SMAD9: variants seen among roughly 807,000 people sequenced by gnomAD.
The protein encoded by SMAD9 is SMAD family member 9, also known as MAD homolog 9.
SMAD9 carries 36 observed loss-of-function variants against 46.1 expected under a neutral mutation model. That is an observed-to-expected ratio of 0.78 (90% confidence interval 0.60 to 1.03). The LOEUF (loss-of-function observed/expected upper bound fraction) is 1.03, where lower values mean the gene tolerates loss of function less well. SMAD9 is among the 50% of genes least tolerant of loss of function. The probability of loss-of-function intolerance (pLI) is 0.00; values close to 1 mark genes in which losing one functional copy is unlikely to be tolerated. For missense variants in SMAD9, 572 were observed against 599.8 expected, an observed-to-expected ratio of 0.95 and a Z score of 0.48; for synonymous variants, 245 against 237.1, an observed-to-expected ratio of 1.03 and a Z score of -0.31.
At chr13:36,881,402 C>T (rs1191339851) in intron 1 of SMAD9, among the ~76,000 whole-genome samples, 1 of 152,090 alleles carries the variant, frequency 6.6e-6, no homozygotes, top group East Asian at 1.9e-4. Context: ...CCTTTGCTTC[C>T]CTGGAGGGCA....
At chr13:36,899,452 G>A (rs773043390) in intron 1 of SMAD9, among the ~76,000 whole-genome samples, 32 of 152,192 alleles carry the variant, frequency 2.1e-4, no homozygotes, top group Admixed American at 8.5e-4. Context: ...GTAGAATATG[G>A]CAAAATCTTG....
At chr13:36,871,772 T>A (rs1201830786) in intron 3 of SMAD9, among the ~76,000 whole-genome samples, 1 of 152,244 alleles carries the variant, frequency 6.6e-6, no homozygotes, top group East Asian at 1.9e-4. Context: ...ATTCCCTCTT[T>A]ATCTTCCCAC....
intron 1 of SMAD9, among the ~76,000 whole-genome samples, chr13:36,887,414 G>A (rs2058456031): frequency 6.6e-6 from 1 of 150,886 alleles, no homozygotes; most frequent in Non-Finnish European, 1.5e-5. Flanking sequence ...GTAGAGATGG[G>A]GTTTCGTCAA....
Position 36,853,656 on chromosome 13 carries a change from G to A in SMAD9, c.1023C>T (p.Val341=), listed in dbSNP as rs567837118. The change falls in exon 6 of 7, where the codon GTC becomes GTT. Residue 341 remains valine (V), a synonymous_variant. Coordinates refer to ENST00000379826, the MANE Select transcript of SMAD9 (RefSeq NM_001127217.3). ...HIGKGVHLYY[V]GGEVYAECVS... is the part of the protein sequence containing the mutation. ...CGCACTCGGCATACACCTCTCCCCC[G>A]ACGTAGTACAAGTGCACACCTGCAG... The A allele has an allele frequency of 2.1e-5, 34 of 1,613,902 alleles. No homozygotes were observed. Among genetic ancestry groups the A allele is most frequent in the Middle Eastern group, 3.3e-4 (2 of 6,084 alleles).
chr13:36,867,349 T>C lies in SMAD9; in HGVS notation c.705A>G (p.Glu235=). ...DTPPLPYHAT[E]ASETQSGQPV... is the part of the protein sequence containing the mutation. ...GTTGGCCACTCTGGGTCTCAGAGGC[T>C]TCTGTGGCATGATAAGGCAGGGGTG... Residue 235 remains glutamate (E), a synonymous_variant, in exon 4 of 7, where the codon GAA becomes GAG. Coordinates refer to ENST00000379826, the MANE Select transcript of SMAD9 (RefSeq NM_001127217.3). 6.4e-7 allele frequency: 1 copy of C among 1,551,214 alleles called. No homozygotes were observed. Among genetic ancestry groups the C allele is most frequent in the Non-Finnish European group, 8.7e-7 (1 of 1,146,722 alleles).
At chr13:36,891,729 T>C (rs961539765) in intron 1 of SMAD9, among the ~76,000 whole-genome samples, 11 of 152,302 alleles carry the variant, frequency 7.2e-5, no homozygotes, top group African/African-American at 2.6e-4. Context: ...CAACTTGCTA[T>C]ATTTTTCTCC....
chr13:36,908,900 C>G (rs1289874794), intron 1 of SMAD9, among the ~76,000 whole-genome samples: 1 of 152,064 alleles, frequency 6.6e-6, no homozygotes, highest in African/African-American at 2.4e-5. Flanking sequence ...ATATATGTGG[C>G]CCAAATGAAG....
At chr13:36,862,490 G>GA (rs2058192064) in intron 5 of SMAD9, among the ~76,000 whole-genome samples, 5 of 151,266 alleles carry the variant, frequency 3.3e-5, no homozygotes, top group African/African-American at 1.2e-4. Context: ...GCCGTGCCCA[G>GA]GTTACCCTAT....
chr13:36,912,699 G>A (rs892015127), intron 1 of SMAD9, among the ~76,000 whole-genome samples: 1 of 152,164 alleles, frequency 6.6e-6, no homozygotes, highest in Non-Finnish European at 1.5e-5. Flanking sequence ...GCCTAGGGAT[G>A]TTCTCAGCAT....
In SMAD9 at chr13:36,848,530, C is replaced by A. The variant is rs1159661672; in HGVS notation, c.*146G>T. 35 of 851,510 alleles carry A rather than the reference C, an allele frequency of 4.1e-5. No individual in the cohort carries two copies. The highest frequency in any genetic ancestry group is 3.7e-4 in the South Asian group (25 of 68,004). The allele number at this position is 851,510 out of a possible 1,614,324, so 52.7% of individuals were successfully genotyped here. ...ATCAGGTTAACTAGAAAGCACAAAACAAACGGTGATTAAAAAAAATAAGAA... is the reference window on the plus strand; with the variant it reads ...ATCAGGTTAACTAGAAAGCACAAAAAAAACGGTGATTAAAAAAAATAAGAA... On this transcript the variant is annotated 3_prime_UTR_variant, in exon 7 of 7. Coordinates refer to ENST00000379826, the MANE Select transcript of SMAD9 (RefSeq NM_001127217.3).
intron 5 of SMAD9, among the ~76,000 whole-genome samples, chr13:36,857,301 T>C (rs1050587711): frequency 2.0e-5 from 3 of 152,212 alleles, no homozygotes; most frequent in African/African-American, 4.8e-5. Flanking sequence ...GTTACAATCC[T>C]GCAGCCTGTT....
chr13:36,885,817 T>G (rs1208328429), intron 1 of SMAD9, among the ~76,000 whole-genome samples: 1 of 151,956 alleles, frequency 6.6e-6, no homozygotes, highest in Non-Finnish European at 1.5e-5. Flanking sequence ...TATTCTTCTT[T>G]AAATTCTCAA....
chr13:36,900,780 G>A (rs117217545), intron 1 of SMAD9, among the ~76,000 whole-genome samples: 353 of 149,918 alleles, frequency 2.4e-3, no homozygotes, highest in Non-Finnish European at 3.7e-3. Flanking sequence ...TGAAATGCAC[G>A]TAACATAAAA....
chr13:36,916,856 G>A (rs776726311), intron 1 of SMAD9, among the ~76,000 whole-genome samples: 2 of 151,442 alleles, frequency 1.3e-5, no homozygotes, highest in Non-Finnish European at 2.9e-5. Flanking sequence ...AGTCATATTT[G>A]AGGATCCTGT....
intron 1 of SMAD9, among the ~76,000 whole-genome samples, chr13:36,898,658 G>A (rs1025909571): frequency 2.0e-5 from 3 of 152,082 alleles, no homozygotes; most frequent in Non-Finnish European, 4.4e-5. Flanking sequence ...AAGGAGAAAT[G>A]CCATACTATC....
chr13:36,881,017 T>A (rs1293036083), intron 1 of SMAD9, among the ~76,000 whole-genome samples: 1 of 152,212 alleles, frequency 6.6e-6, no homozygotes, highest in Admixed American at 6.5e-5. Context: ...GAGAACTGCT[T>A]TTCTAGAAAT....
At chr13:36,898,918 C>T (rs887417160) in intron 1 of SMAD9, among the ~76,000 whole-genome samples, 15 of 151,944 alleles carry the variant, frequency 9.9e-5, no homozygotes, top group South Asian at 8.3e-4. Context: ...CTAGCCAGTG[C>T]GATAAAGCAA....
At chr13:36,902,459 C>T (rs1593617892) in intron 1 of SMAD9, among the ~76,000 whole-genome samples, 1 of 145,034 alleles carries the variant, frequency 6.9e-6, no homozygotes. Context: ...CTTTGTTCTT[C>T]TTTTTTTTTT....
At chr13:36,893,130 A>G (rs1390453136) in intron 1 of SMAD9, among the ~76,000 whole-genome samples, 1 of 152,110 alleles carries the variant, frequency 6.6e-6, no homozygotes. Flanking sequence ...ATTATAAGAC[A>G]TAGCAATTCC....
Sources: allele counts gnomAD v4.1 joint callset (sites outside exome capture counted in the v4.1 genomes callset), GRCh38; gene constraint gnomAD v4.1.1; transcripts MANE v1.5; gene names NCBI Gene and HGNC (gene_info 2026-07-23, HGNC 2026-07-21).